The following N4BP1 variants were observed in gnomAD, a reference collection of about 807,000 sequenced individuals.
N4BP1 encodes the protein NEDD4 binding protein 1.
In N4BP1, 21 loss-of-function variants were observed where a neutral mutation model predicts 70.9. That is an observed-to-expected ratio of 0.30 (90% confidence interval 0.21 to 0.43). The LOEUF (loss-of-function observed/expected upper bound fraction) is 0.43. Among genes scored for constraint, N4BP1 ranks in the 20% least tolerant of loss-of-function variants. The pLI is 1.00. For synonymous variants in N4BP1, 387 were observed against 394.6 expected, an observed-to-expected ratio of 0.98 and a Z score of 0.23; for missense variants, 936 against 1,069.4, an observed-to-expected ratio of 0.88 and a Z score of 1.74.
intron 1 of N4BP1, among the ~76,000 whole-genome samples, chr16:48,595,792 A>T (rs1012986514): frequency 6.6e-6 from 1 of 152,182 alleles, no homozygotes; most frequent in Non-Finnish European, 1.5e-5. Context: ...GTGACCTCAC[A>T]CCTTGTCTAT....
chr16:48,545,864 A>G (rs1178694833), intron 6 of N4BP1, among the ~76,000 whole-genome samples: 1 of 152,002 alleles, frequency 6.6e-6, no homozygotes, highest in African/African-American at 2.4e-5. Context: ...TGTCTCTACT[A>G]AAAATACAAA....
rs576889445 is a variant in N4BP1, at chr16:48,598,271, C to T, written c.198+11504G>A. 8.1e-4 allele frequency among the ~76,000 whole-genome samples: 123 copies of T among 152,324 alleles called. 1 individual carries two copies. The highest frequency in any genetic ancestry group is 3.4e-3 in the Middle Eastern group (1 of 294). On this transcript the variant is annotated intron_variant, in intron 1 of 6. Coordinates refer to ENST00000262384, the MANE Select transcript of N4BP1 (RefSeq NM_153029.4). Reference sequence around the variant, plus strand: ...ACATAACCTTACTGCTGCAAAACCACAAAATTCAGGAAGCCATATCATGTT... The same window carrying T: ...ACATAACCTTACTGCTGCAAAACCATAAAATTCAGGAAGCCATATCATGTT...
intron 1 of N4BP1, chr16:48,578,261 T>C (rs1157308089): frequency 6.5e-6 from 1 of 153,314 alleles, no homozygotes; most frequent in Non-Finnish European, 1.5e-5. Context: ...CAGATGCCAA[T>C]GCGGAAGCCT....
chr16:48,551,451 G>A lies in N4BP1; in HGVS notation c.2052C>T (p.Leu684=), dbSNP rs1464637939. 40 of 1,613,272 alleles carry A rather than the reference G, an allele frequency of 2.5e-5. No individual in the cohort carries two copies. Among genetic ancestry groups the A allele is most frequent in the Non-Finnish European group, 3.1e-5 (36 of 1,179,402 alleles). Residue 684 remains leucine (L), a synonymous_variant, in exon 4 of 7, where the codon CTC becomes CTT. Transcript: ENST00000262384. ...EQHFLTQLQE[L]GILSLTPARM... The stretch of plus-strand genomic sequence containing the variant: ...GGGCAGGAGTTAAAGATAATATTCC[G>A]AGCTCCTGGAGCTGGGTTAAGAAGT...
chr16:48,543,296 A>G (rs200169675), intron 6 of N4BP1, 35 bp from the exon 7 acceptor site: 22 of 1,438,612 alleles, frequency 1.5e-5, no homozygotes, highest in Admixed American at 2.7e-5. Flanking sequence ...GAGTTGGGTT[A>G]TAAGTAAACA....
intron 4 of N4BP1, among the ~76,000 whole-genome samples, chr16:48,548,794 C>T (rs1437375584): frequency 2.0e-5 from 3 of 146,748 alleles, no homozygotes; most frequent in African/African-American, 5.1e-5. Flanking sequence ...GAGCCAAGAT[C>T]GTGCCACTAC....
intron 3 of N4BP1, 80 bp downstream of exon 3, chr16:48,553,459 T>C: frequency 7.1e-7 from 1 of 1,409,978 alleles, no homozygotes; most frequent in Non-Finnish European, 9.4e-7. Flanking sequence ...CACAGCTCTA[T>C]TCTAAATAGC....
chr16:48,592,403 C>G (rs1964351928), intron 1 of N4BP1, among the ~76,000 whole-genome samples: 2 of 152,050 alleles, frequency 1.3e-5, no homozygotes, highest in African/African-American at 4.8e-5. Flanking sequence ...TCCAGCTGTG[C>G]CTGCTTTTTA....
At chr16:48,560,157 G>T (rs866093509) in intron 2 of N4BP1, among the ~76,000 whole-genome samples, 4 of 152,080 alleles carry the variant, frequency 2.6e-5, no homozygotes, top group African/African-American at 9.7e-5. Context: ...ACTAAGAGGA[G>T]TTCCAAGACA....
chr16:48,587,852 T>A (rs1208421733), intron 1 of N4BP1, among the ~76,000 whole-genome samples: 2 of 152,210 alleles, frequency 1.3e-5, no homozygotes, highest in African/African-American at 4.8e-5. Context: ...TGTTCTGTAT[T>A]AAGGTCAATT....
At chr16:48,550,145 T>A (rs1416627824) in intron 4 of N4BP1, among the ~76,000 whole-genome samples, 1 of 152,218 alleles carries the variant, frequency 6.6e-6, no homozygotes, top group African/African-American at 2.4e-5. Context: ...AGAAGGTGCA[T>A]CTGAATCATG....
intron 1 of N4BP1, among the ~76,000 whole-genome samples, chr16:48,594,651 C>T (rs565542065): frequency 5.9e-4 from 90 of 152,078 alleles, no homozygotes; most frequent in Non-Finnish European, 1.2e-3. Flanking sequence ...CCACTGTGCC[C>T]GTCTGATATC....
At chr16:48,554,173 TA>T (rs10710139) in intron 2 of N4BP1, among the ~76,000 whole-genome samples, 58,181 of 140,480 alleles carry the variant, frequency 0.41, 11,814 homozygotes, top group African/African-American at 0.54. Context: ...GGAAAAAAGG[TA>T]AAAAAAAAAA....
chr16:48,588,215 A>G (rs566787706), intron 1 of N4BP1, among the ~76,000 whole-genome samples: 9 of 152,276 alleles, frequency 5.9e-5, no homozygotes, highest in African/African-American at 2.2e-4. Context: ...AAGGGGACGC[A>G]ATGAACAAAA....
At chr16:48,554,151 T>C (rs935370630) in intron 2 of N4BP1, among the ~76,000 whole-genome samples, 19 of 143,014 alleles carry the variant, frequency 1.3e-4, no homozygotes, top group African/African-American at 4.5e-4. Context: ...ATTTTAAGAA[T>C]GCAGAAAGCA....
intron 4 of N4BP1, among the ~76,000 whole-genome samples, chr16:48,549,700 G>C (rs1963638587): frequency 1.3e-5 from 2 of 152,158 alleles, no homozygotes; most frequent in Admixed American, 6.5e-5. Context: ...CTGGTGCAGG[G>C]CAAGGGACTG....
rs968548092 is a variant in N4BP1, at chr16:48,609,961, C to T, written c.12G>A (p.Arg4=). ...GCGCAGTGAACTCGTCCAGCACCGC[C>T]CGGGCCGCCATGGCGGGCGCGGCCT... MAA[R]AVLDEFTAPA... Residue 4 remains arginine (R), a synonymous_variant, in exon 1 of 7, where the codon CGG becomes CGA. Transcript: ENST00000262384. 8 of 1,248,292 alleles carry T rather than the reference C, an allele frequency of 6.4e-6. No homozygotes were observed. In the Admixed American group the frequency reaches 2.7e-4, roughly 42 times the overall value. The allele number at this position is 1,248,292 out of a possible 1,614,324, so 77.3% of individuals were successfully genotyped here. A position where few individuals can be genotyped will look rare whatever the true frequency, so the allele number is the denominator to read the frequency against.
rs564214702 is a variant in N4BP1, at chr16:48,606,249, T to G, written c.198+3526A>C. 1.1e-4 allele frequency among the ~76,000 whole-genome samples: 17 copies of G among 152,234 alleles called. No individual in the cohort carries two copies. In the East Asian group the frequency reaches 3.1e-3, roughly 28 times the overall value. On this transcript the variant is annotated intron_variant, in intron 1 of 6. Coordinates refer to ENST00000262384, the MANE Select transcript of N4BP1 (RefSeq NM_153029.4). The stretch of plus-strand genomic sequence containing the variant: ...TAAATCCCTACATCCACCACACAGC[T>G]GCCCTGTCCCTGTAAAAACCTTACC...
intron 1 of N4BP1, among the ~76,000 whole-genome samples, chr16:48,571,236 AGTT>A (rs1964016434): frequency 6.6e-6 from 1 of 152,192 alleles, no homozygotes; most frequent in Non-Finnish European, 1.5e-5. Context: ...GATAAGGAAA[AGTT>A]GATCATATCT....
Sources: allele counts gnomAD v4.1 joint callset (sites outside exome capture counted in the v4.1 genomes callset), GRCh38; gene constraint gnomAD v4.1.1; transcripts MANE v1.5; gene names NCBI Gene and HGNC (gene_info 2026-07-23, HGNC 2026-07-21).